ZNF75A: variants seen among roughly 807,000 people sequenced by gnomAD.
ZNF75A encodes the protein zinc finger protein 75A.
In ZNF75A, 36 loss-of-function variants were observed where a neutral mutation model predicts 46.3. The ratio of observed to expected loss-of-function variants is 0.78; its 90% CI spans 0.60 to 1.03. The LOEUF (loss-of-function observed/expected upper bound fraction) is 1.03, where lower values mean the gene tolerates loss of function less well. ZNF75A is among the 50% of genes least tolerant of loss of function. The pLI is 0.00. For synonymous variants in ZNF75A, 234 were observed against 189.9 expected (o/e 1.23, Z -1.91); for missense variants, 595 against 551.3 (o/e 1.08, Z -0.79).
intron 2 of ZNF75A, among the ~76,000 whole-genome samples, chr16:3,311,457 A>T (rs1469721312): frequency 1.3e-5 from 2 of 149,438 alleles, no homozygotes; most frequent in Non-Finnish European, 3.0e-5. Flanking sequence ...AAAAAAAATG[A>T]GTGGGCTGCC....
At chr16:3,314,971 G>A in intron 5 of ZNF75A, 1 of 985,314 alleles carries the variant, frequency 1.0e-6, no homozygotes, top group Non-Finnish European at 1.2e-6. Context: ...TCCAGGAGCT[G>A]GTTGATTCTC....
At chr16:3,310,669 G>A in intron 2 of ZNF75A, 2 of 985,468 alleles carry the variant, frequency 2.0e-6, no homozygotes. Flanking sequence ...GGGGAAGACT[G>A]CACAAGAAAA....
Position 3,311,906 on chromosome 16 carries a change from A to G in ZNF75A, c.562A>G (p.Ser188Gly). 2 of 991,010 alleles carry G rather than the reference A, an allele frequency of 2.0e-6. No homozygotes were observed. The highest frequency in any genetic ancestry group is 9.0e-5 in the South Asian group (2 of 22,178). The allele number at this position is 991,010 out of a possible 1,614,324, so 61.4% of individuals were successfully genotyped here. ...NTYEGLQEQL[S>G]RNTHKETEPV... is the part of the protein sequence containing the mutation. ...ATACGAGGGTCTGCAAGAACAGCTC[A>G]GCAGGAATACTCATAAAGAGACTGA... The change falls in exon 3 of 7, where the codon AGC becomes GGC. Residue 188 changes from serine (S) to glycine (G), a missense_variant. Coordinates refer to ENST00000669516, the MANE Select transcript of ZNF75A (RefSeq NM_001302109.2).
intron 2 of ZNF75A, chr16:3,309,111 C>G (rs555705781): frequency 6.6e-6 from 1 of 152,474 alleles, no homozygotes; most frequent in Admixed American, 6.6e-5. Context: ...CCTAGTCTGG[C>G]TTGGCCAAGG....
chr16:3,317,602 A>T lies in ZNF75A; in HGVS notation c.1347A>T (p.Leu449Phe). Residue 449 changes from leucine to phenylalanine, a missense_variant, in exon 7 of 7, where the codon TTA (leucine) becomes TTT (phenylalanine). Leu to Phe is a conservative substitution (Grantham distance 22, BLOSUM62 0). Coordinates refer to ENST00000669516, the MANE Select transcript of ZNF75A (RefSeq NM_001302109.2). ...FRWSSDLNKH[L>F]TTHQGIKPYK... The stretch of plus-strand genomic sequence containing the variant: ...GGAGTTCAGATCTTAATAAGCACTT[A>T]ACAACACACCAAGGAATAAAACCAT... 6.2e-7 allele frequency: 1 copy of T among 1,614,098 alleles called. No homozygotes were observed. Among genetic ancestry groups the T allele is most frequent in the Non-Finnish European group, 8.5e-7 (1 of 1,179,962 alleles).
Position 3,317,843 on chromosome 16 carries a change from C to T in ZNF75A, c.1588C>T (p.Leu530Phe). Residue 530 changes from leucine (L) to phenylalanine (F), a missense_variant, in exon 7 of 7, where the codon CTT becomes TTT. Leu to Phe is a conservative substitution (Grantham distance 22). Transcript: ENST00000669516. ...RRNFSRRSSL[L>F]RHQKLHL ...AAACTTCAGCAGGCGGTCAAGCCTT[C>T]TTAGACACCAGAAACTCCACCTGTG... 1 of 1,610,602 alleles carries T rather than the reference C, an allele frequency of 6.2e-7. No individual in the cohort carries two copies. The highest frequency in any genetic ancestry group is 8.5e-7 in the Non-Finnish European group (1 of 1,177,870).
At chr16:3,314,850 CTG>C (rs1961079484) in intron 5 of ZNF75A, 1 of 985,418 alleles carries the variant, frequency 1.0e-6, no homozygotes, top group Non-Finnish European at 1.2e-6. Context: ...TGCAGGAAAA[CTG>C]TAAGACTGTC....
chr16:3,318,240 T>C lies in ZNF75A; in HGVS notation c.*371T>C. On this transcript the variant is annotated 3_prime_UTR_variant, in exon 7 of 7. Transcript: ENST00000669516. Reference sequence around the variant, plus strand: ...CTCATGAGGCCGAAATGAATTACAATGTAAAGTGTTCCAGGAACCAAATTG... The same window carrying C: ...CTCATGAGGCCGAAATGAATTACAACGTAAAGTGTTCCAGGAACCAAATTG... 1 of 998,844 alleles carries C rather than the reference T, an allele frequency of 1.0e-6. No homozygotes were observed. Among genetic ancestry groups the C allele is most frequent in the Non-Finnish European group, 1.2e-6 (1 of 839,126 alleles). The allele number at this position is 998,844 out of a possible 1,614,324, so 61.9% of individuals were successfully genotyped here.
Position 3,313,144 on chromosome 16 carries a change from G to C in ZNF75A, c.792G>C (p.Met264Ile), listed in dbSNP as rs1400404650. The change falls in exon 5 of 7, where the codon ATG (methionine) becomes ATC (isoleucine). Residue 264 changes from methionine to isoleucine, a missense_variant. By Grantham distance (10) the Met-to-Ile change is conservative. Transcript: ENST00000669516. The stretch of plus-strand genomic sequence containing the variant: ...AGAAGGCCCTCTACAATGATGTAAT[G>C]CAGGAAAACTATGAGACTGTCATCT... ...PTQKALYNDV[M>I]QENYETVISL... 6.8e-6 allele frequency: 11 copies of C among 1,613,936 alleles called. No individual in the cohort carries two copies. Among genetic ancestry groups the C allele is most frequent in the Non-Finnish European group, 9.3e-6 (11 of 1,179,964 alleles).
chr16:3,310,576 T>A, intron 2 of ZNF75A: 1 of 720,366 alleles, frequency 1.4e-6, no homozygotes, highest in Middle Eastern at 7.2e-4. Context: ...CAGTGAGCCA[T>A]GATTGTACCA....
At chr16:3,312,012 T>G in intron 3 of ZNF75A, 64 bp downstream of exon 3, 4 of 902,352 alleles carry the variant, frequency 4.4e-6, no homozygotes, top group Non-Finnish European at 4.0e-6. Context: ...TCACCCAAAA[T>G]GTCATGGGCA....
intron 1 of ZNF75A, chr16:3,306,247 A>T (rs1352861409): frequency 6.6e-6 from 1 of 152,204 alleles, no homozygotes; most frequent in East Asian, 1.9e-4. Context: ...AAGTCAGCAG[A>T]AAGTTTCACT....
intron 5 of ZNF75A, 83 bp downstream of exon 5, chr16:3,313,258 C>G (rs778520463): frequency 7.0e-7 from 1 of 1,428,806 alleles, no homozygotes; most frequent in South Asian, 1.3e-5. Context: ...GGGTGTCTTA[C>G]TGTTCCAGGA....
intron 1 of ZNF75A, chr16:3,307,022 G>C (rs1960325175): frequency 6.6e-6 from 1 of 151,438 alleles, no homozygotes; most frequent in South Asian, 2.1e-4. Flanking sequence ...CACAGTCTGA[G>C]CTCACTGCAG....
At chr16:3,307,908 A>G (rs1288677856) in intron 1 of ZNF75A, 1 of 152,140 alleles carries the variant, frequency 6.6e-6, no homozygotes, top group Admixed American at 6.6e-5. Flanking sequence ...CTTACTAGAG[A>G]CAGACTGGGA....
downstream of ZNF75A, among the ~76,000 whole-genome samples, chr16:3,320,706 G>T (rs1961493695): frequency 6.6e-6 from 1 of 152,238 alleles, no homozygotes; most frequent in African/African-American, 2.4e-5. Context: ...GGGCTATGGT[G>T]GGGGTTAGGG....
chr16:3,317,342 G>C lies in ZNF75A; in HGVS notation c.1087G>C (p.Val363Leu). 1.2e-6 allele frequency: 2 copies of C among 1,614,120 alleles called. No individual in the cohort carries two copies. The highest frequency in any genetic ancestry group is 1.7e-6 in the Non-Finnish European group (2 of 1,180,014). ...AGAAAATCATTTTGATATGCACAGA[G>C]TGGGAAAATGGCACCAAGATTTTCC... ...GKENHFDMHR[V>L]GKWHQDFPVK... Residue 363 changes from valine to leucine, a missense_variant, in exon 7 of 7, where the codon GTG (valine) becomes CTG (leucine). Val to Leu is a conservative substitution (Grantham distance 32). Coordinates refer to ENST00000669516, the MANE Select transcript of ZNF75A (RefSeq NM_001302109.2).
At position 3,318,100 on chromosome 16, in the gene ZNF75A, G is replaced by A; in HGVS notation, c.*231G>A. On this transcript the variant is annotated 3_prime_UTR_variant, in exon 7 of 7. Coordinates refer to ENST00000669516, the MANE Select transcript of ZNF75A (RefSeq NM_001302109.2). ...TGTATTGATCTCTCCAGTCATTTTT[G>A]AACACATCCAATAGAAACATTGGCA... is the stretch of plus-strand genomic sequence containing the variant. 7.8e-7 allele frequency: 1 copy of A among 1,284,112 alleles called. No homozygotes were observed. Among genetic ancestry groups the A allele is most frequent in the Non-Finnish European group, 9.8e-7 (1 of 1,018,290 alleles). 79.5% of individuals were successfully genotyped at this position (1,284,112 alleles called of 1,614,324 possible). A position where few individuals can be genotyped will look rare whatever the true frequency, so the allele number is the denominator to read the frequency against.
Position 3,318,475 on chromosome 16 carries a change from A to G in ZNF75A, c.*606A>G, listed in dbSNP as rs1227245127. ...TGGTGATGTTTGGAAAATAGAAGAC[A>G]TCTCTAATGGAATCATGGGGGAAAC... On this transcript the variant is annotated 3_prime_UTR_variant, in exon 7 of 7. Transcript: ENST00000669516. 9.1e-6 allele frequency: 9 copies of G among 985,320 alleles called. No individual in the cohort carries two copies. The highest frequency in any genetic ancestry group is 1.1e-5 in the Non-Finnish European group (9 of 829,954). The allele number at this position is 985,320 out of a possible 1,614,324, so 61.0% of individuals were successfully genotyped here.
Sources: allele counts gnomAD v4.1 joint callset (sites outside exome capture counted in the v4.1 genomes callset), GRCh38; gene constraint gnomAD v4.1.1; transcripts MANE v1.5; gene names NCBI Gene and HGNC (gene_info 2026-07-23, HGNC 2026-07-21).